Variants in MYRFL observed in about 807,000 individuals in gnomAD.
The protein encoded by MYRFL is myelin regulatory factor-like protein.
Under a neutral mutation model 109.4 loss-of-function variants are expected in MYRFL, and 88 were observed. The observed-to-expected ratio is 0.80, with a 90% CI of 0.68 to 0.96. The LOEUF (loss-of-function observed/expected upper bound fraction) is 0.96. MYRFL is among the 40% of genes least tolerant of loss of function. The probability of loss-of-function intolerance (pLI) is 0.00; values close to 1 mark genes in which losing one functional copy is unlikely to be tolerated. For missense variants in MYRFL, 957 were observed against 954.9 expected, an observed-to-expected ratio of 1.00 and a Z score of -0.03; for synonymous variants, 324 against 320.9, an observed-to-expected ratio of 1.01 and a Z score of -0.10.
chr12:69,850,033 G>T (rs995172996), intron 1 of MYRFL, among the ~76,000 whole-genome samples: 11 of 152,124 alleles, frequency 7.2e-5, no homozygotes, highest in Non-Finnish European at 1.5e-4. Flanking sequence ...TGAATCATAG[G>T]GGGAGGTCTT....
At chr12:69,845,755 A>G (rs1267745751) in intron 1 of MYRFL, among the ~76,000 whole-genome samples, 3 of 151,852 alleles carry the variant, frequency 2.0e-5, no homozygotes, top group Non-Finnish European at 4.4e-5. Context: ...AATAAGATGA[A>G]AGAAAAACTT....
At chr12:69,843,100 A>G (rs984211218) in intron 1 of MYRFL, among the ~76,000 whole-genome samples, 15 of 152,240 alleles carry the variant, frequency 9.9e-5, no homozygotes, top group African/African-American at 3.4e-4. Context: ...TAGATCCAGT[A>G]CTACATTTAA....
intron 19 of MYRFL, among the ~76,000 whole-genome samples, chr12:69,951,749 G>A (rs1468329174): frequency 1.3e-5 from 2 of 152,048 alleles, no homozygotes; most frequent in African/African-American, 4.8e-5. Flanking sequence ...GCTCTTACAC[G>A]GACACAGGTC....
intron 1 of MYRFL, among the ~76,000 whole-genome samples, chr12:69,854,510 A>G (rs1565972942): frequency 6.6e-6 from 1 of 152,078 alleles, no homozygotes; most frequent in Non-Finnish European, 1.5e-5. Flanking sequence ...CAGCCTCCTG[A>G]GTAGCTGGGA....
intron 1 of MYRFL, among the ~76,000 whole-genome samples, chr12:69,834,819 G>T (rs1441657460): frequency 1.3e-5 from 2 of 152,132 alleles, no homozygotes; most frequent in Non-Finnish European, 2.9e-5. Context: ...AAAGGACAAA[G>T]TACTGAGTAT....
chr12:69,865,551 AG>A (rs1277665370), intron 2 of MYRFL, among the ~76,000 whole-genome samples: 1 of 152,098 alleles, frequency 6.6e-6, no homozygotes, highest in Admixed American at 6.6e-5. Flanking sequence ...GAGGGAGAAA[AG>A]GGGGTGAGAG....
In MYRFL at chr12:69,877,001, G is replaced by GTCTTTCTTTCTTTCTTTCTTTCTTTCTT. The variant is rs201597849; in HGVS notation, c.138-2002_138-2001insCTTTCTTTCTTTCTTTCTTTCTTTCTTT. Among the ~76,000 whole-genome samples, 18 of 78,570 alleles carry GTCTTTCTTTCTTTCTTTCTTTCTTTCTT rather than the reference G, an allele frequency of 2.3e-4. 1 individual carries two copies. Among genetic ancestry groups the GTCTTTCTTTCTTTCTTTCTTTCTTTCTT allele is most frequent in the African/African-American group, 6.4e-4 (14 of 21,772 alleles). The allele number at this position is 78,570 out of a possible 152,430, so 51.5% of individuals were successfully genotyped here. Reference sequence around the variant, plus strand: ...TGGGGAAGCTAATATAAGGGTCCAGGTCTTTCTTTCTTTCTTTCTTTCTTT... The same window carrying GTCTTTCTTTCTTTCTTTCTTTCTTTCTT: ...TGGGGAAGCTAATATAAGGGTCCAGGTCTTTCTTTCTTTCTTTCTTTCTTTCTTTCTTTCTTTCTTTCTTTCTTTCTTT... On this transcript the variant is annotated intron_variant, in intron 2 of 24. Coordinates refer to ENST00000552032, the MANE Select transcript of MYRFL (RefSeq NM_182530.3).
At chr12:69,857,671 TTCA>T in intron 2 of MYRFL, among the ~76,000 whole-genome samples, 1 of 152,002 alleles carries the variant, frequency 6.6e-6, no homozygotes, top group African/African-American at 2.4e-5. Context: ...GTTCCAATTA[TTCA>T]TCATTAGTAT....
chr12:69,856,179 G>C (rs762714361), intron 2 of MYRFL, among the ~76,000 whole-genome samples: 2 of 152,160 alleles, frequency 1.3e-5, no homozygotes, highest in African/African-American at 4.8e-5. Context: ...AAACCATACA[G>C]TATATAACAC....
At chr12:69,932,748 G>T (rs1214092347) in intron 16 of MYRFL, 150 bp downstream of exon 16, 9 of 600,970 alleles carry the variant, frequency 1.5e-5, no homozygotes, top group Middle Eastern at 2.7e-4. Context: ...ATAGAAATGA[G>T]GGAACCTTTT....
Position 69,886,829 on chromosome 12 carries a change from G to A in MYRFL, c.566G>A (p.Arg189Lys). 1.3e-6 allele frequency: 2 copies of A among 1,535,860 alleles called. No individual in the cohort carries two copies. Among genetic ancestry groups the A allele is most frequent in the Non-Finnish European group, 1.7e-6 (2 of 1,146,710 alleles). Residue 189 changes from arginine (R) to lysine (K), a missense_variant, in exon 6 of 25, where the codon AGG becomes AAG. By Grantham distance (26) the Arg-to-Lys change is conservative. Coordinates refer to ENST00000552032, the MANE Select transcript of MYRFL (RefSeq NM_182530.3). ...ACCTGTTTCTTTGCAGTGACAAGTA[G>A]GAGTCGCAGCAGTGAAGTCCAGGAC... ...WACHCRPMTS[R>K]SRSSEVQDPD... is the part of the protein sequence containing the mutation.
intron 19 of MYRFL, among the ~76,000 whole-genome samples, chr12:69,937,591 C>T (rs1955511448): frequency 6.6e-6 from 1 of 152,198 alleles, no homozygotes; most frequent in Non-Finnish European, 1.5e-5. Flanking sequence ...TTAAAGCTTC[C>T]ACCTATGTAT....
rs754520673 is a variant in MYRFL, at chr12:69,932,562, C to A, written c.1880C>A (p.Thr627Asn). 52 of 1,536,004 alleles carry A rather than the reference C, an allele frequency of 3.4e-5. No individual in the cohort carries two copies. The highest frequency in any genetic ancestry group is 4.1e-5 in the Non-Finnish European group (47 of 1,146,832). Residue 627 changes from threonine (T) to asparagine (N), a missense_variant, in exon 16 of 25, where the codon ACC (threonine) becomes AAC (asparagine). By Grantham distance (65) the Thr-to-Asn change is moderately conservative (BLOSUM62 0). Transcript: ENST00000552032. ...GCGTGTCCTAATTGGGTTTTCCAGACCTTGGTTATAACTCTGATTGCTGTG... is the reference window on the plus strand; with the variant it reads ...GCGTGTCCTAATTGGGTTTTCCAGAACTTGGTTATAACTCTGATTGCTGTG... ...RQACPNWVFQ[T>N]LVITLIAVMA...
In MYRFL at chr12:69,939,331, G is replaced by A. The variant is rs1245544333; in HGVS notation, c.2224+2699G>A. Among the ~76,000 whole-genome samples, 6 of 151,706 alleles carry A rather than the reference G, an allele frequency of 4.0e-5. No individual in the cohort carries two copies. In the East Asian group the frequency reaches 9.7e-4, roughly 24 times the overall value. On this transcript the variant is annotated intron_variant, in intron 19 of 24. Transcript: ENST00000552032. ...AAGAGAGCAGTGGTTCTCCCAGCAC[G>A]CAGCTGGAGATCTGAGAACGGGCAG...
intron 2 of MYRFL, among the ~76,000 whole-genome samples, chr12:69,860,404 T>C (rs1245144763): frequency 6.6e-6 from 1 of 152,178 alleles, no homozygotes; most frequent in African/African-American, 2.4e-5. Flanking sequence ...GTTTCGGCTC[T>C]CTTTTGATTA....
rs1243831690 is a variant in MYRFL at position 69,857,271 on chromosome 12, T to A, written c.137+1901T>A. 2.6e-5 allele frequency among the ~76,000 whole-genome samples: 4 copies of A among 151,930 alleles called. No individual in the cohort carries two copies. The East Asian group carries it at 5.8e-4, about 22-fold the overall frequency. On this transcript the variant is annotated intron_variant, in intron 2 of 24. Transcript: ENST00000552032. ...ACAACATTATCTTGATTACTGTACA[T>A]GATCTTTATTACTGTACACAGGCAC...
chr12:69,937,353 T>C (rs1401316443), intron 19 of MYRFL, among the ~76,000 whole-genome samples: 1 of 152,174 alleles, frequency 6.6e-6, no homozygotes, highest in African/African-American at 2.4e-5. Flanking sequence ...TACATATTAC[T>C]ATGGCTTATT....
At position 69,890,995 on chromosome 12, in the gene MYRFL, A is replaced by G; in HGVS notation, c.732A>G (p.Val244=). The change falls in exon 7 of 25, where the codon GTA becomes GTG. Residue 244 remains valine (V), a synonymous_variant. Coordinates refer to ENST00000552032, the MANE Select transcript of MYRFL (RefSeq NM_182530.3). The part of the protein sequence containing the change: ...EKLPDVGYRV[V]TDKGFNFSPA... Reference sequence around the variant, plus strand: ...GACCTGATGTGGGCTATCGAGTTGTAACAGACAAAGGATTTAATTTTTCAC... The same window carrying G: ...GACCTGATGTGGGCTATCGAGTTGTGACAGACAAAGGATTTAATTTTTCAC... The G allele has an allele frequency of 6.5e-7, 1 of 1,531,432 alleles. No individual in the cohort carries two copies. Among genetic ancestry groups the G allele is most frequent in the Non-Finnish European group, 8.7e-7 (1 of 1,145,056 alleles). 94.9% of individuals were successfully genotyped at this position (1,531,432 alleles called of 1,614,324 possible). A position where few individuals can be genotyped will look rare whatever the true frequency, so the allele number is the denominator to read the frequency against.
intron 16 of MYRFL, among the ~76,000 whole-genome samples, chr12:69,935,546 G>A (rs1356509928): frequency 1.3e-5 from 2 of 152,222 alleles, no homozygotes; most frequent in African/African-American, 4.8e-5. Flanking sequence ...AAGTCTCACA[G>A]TGTGGAAACA....
Sources: gnomAD v4.1 joint callset for allele counts (sites outside exome capture counted in the v4.1 genomes callset) on GRCh38, gnomAD v4.1.1 for gene constraint, MANE v1.5 for transcripts, NCBI Gene and HGNC (gene_info 2026-07-23, HGNC 2026-07-21) for gene names.